Variants in TFB2M observed in about 807,000 individuals in gnomAD.
TFB2M encodes the protein transcription factor B2, mitochondrial, also known as dimethyladenosine transferase 2, mitochondrial.
A neutral mutation model predicts 41.3 loss-of-function variants in TFB2M; 44 were observed. That is an observed-to-expected ratio of 1.07 (90% CI 0.84 to 1.37). The LOEUF is 1.37. TFB2M is among the 40% of genes most tolerant of loss of function. The probability of loss-of-function intolerance (pLI) is 0.00; values close to 1 mark genes in which losing one functional copy is unlikely to be tolerated. For synonymous variants in TFB2M, 188 were observed against 176.8 expected, an observed-to-expected ratio of 1.06 and a Z score of -0.50; for missense variants, 496 against 490.2, an observed-to-expected ratio of 1.01 and a Z score of -0.11.
chr1:246,552,936 A>C (rs926767646), intron 4 of TFB2M, among the ~76,000 whole-genome samples: 9 of 151,624 alleles, frequency 5.9e-5, no homozygotes, highest in Non-Finnish European at 1.3e-4. Context: ...GGGAAAAAAA[A>C]CCTGGCTGGG....
In TFB2M at chr1:246,557,733, C is replaced by T. The variant is rs148907333; in HGVS notation, c.403-199G>A. Among the ~76,000 whole-genome samples, 643 of 152,244 alleles carry T rather than the reference C, an allele frequency of 4.2e-3. 3 individuals carry two copies. The highest frequency in any genetic ancestry group is 0.015 in the African/African-American group (609 of 41,540). ...CTGTTGCCAGGCTGGAGTGCAGTGGCGCCATCTCGGCTCACTGCAACCTCT... is the reference window on the plus strand; with the variant it reads ...CTGTTGCCAGGCTGGAGTGCAGTGGTGCCATCTCGGCTCACTGCAACCTCT... On this transcript the variant is annotated intron_variant, in intron 2 of 7. Transcript: ENST00000366514.
chr1:246,552,039 T>G (rs1415756106), intron 4 of TFB2M, among the ~76,000 whole-genome samples: 1 of 152,168 alleles, frequency 6.6e-6, no homozygotes, highest in Non-Finnish European at 1.5e-5. Context: ...ATAAGCATTA[T>G]AAAAATCTTA....
intron 2 of TFB2M, among the ~76,000 whole-genome samples, chr1:246,558,450 C>A (rs1400946497): frequency 6.6e-6 from 1 of 152,058 alleles, no homozygotes; most frequent in Non-Finnish European, 1.5e-5. Context: ...CCCGGCCCCA[C>A]TTACTTTCTT....
intron 2 of TFB2M, among the ~76,000 whole-genome samples, chr1:246,561,339 G>T (rs911260608): frequency 6.6e-6 from 1 of 152,186 alleles, no homozygotes; most frequent in African/African-American, 2.4e-5. Flanking sequence ...ATTTTTAGCT[G>T]ACATTTATAG....
intron 2 of TFB2M, among the ~76,000 whole-genome samples, chr1:246,562,410 C>T (rs1293610138): frequency 6.6e-6 from 1 of 152,200 alleles, no homozygotes; most frequent in African/African-American, 2.4e-5. Flanking sequence ...ATGATGCCTT[C>T]ACTCTATGCA....
chr1:246,562,914 T>C (rs1355676849), intron 2 of TFB2M, among the ~76,000 whole-genome samples: 1 of 152,094 alleles, frequency 6.6e-6, no homozygotes, highest in African/African-American at 2.4e-5. Context: ...CGCCTCTGCC[T>C]CCCGAAGTGC....
chr1:246,557,558 G>C (rs567401967), intron 2 of TFB2M, 24 bp from the exon 3 acceptor site: 2 of 1,536,944 alleles, frequency 1.3e-6, no homozygotes, highest in Non-Finnish European at 8.7e-7. Context: ...AAGATAACAC[G>C]TTAAAAATTT....
chr1:246,559,395 A>C (rs1659399028), intron 2 of TFB2M, among the ~76,000 whole-genome samples: 1 of 152,176 alleles, frequency 6.6e-6, no homozygotes, highest in South Asian at 2.1e-4. Flanking sequence ...CTAAAAATAC[A>C]AAAGTAAGCC....
At chr1:246,559,231 G>C (rs1659395692) in intron 2 of TFB2M, among the ~76,000 whole-genome samples, 1 of 152,138 alleles carries the variant, frequency 6.6e-6, no homozygotes, top group South Asian at 2.1e-4. Context: ...TTACAGGTGT[G>C]TGATACCGTG....
At chr1:246,551,454 C>T (rs540692572) in intron 4 of TFB2M, 152 bp from the exon 5 acceptor site, 12 of 597,786 alleles carry the variant, frequency 2.0e-5, no homozygotes, top group East Asian at 5.6e-5. Flanking sequence ...CAGCGGTGCA[C>T]GCCTGTAGTC....
chr1:246,546,043 G>A (rs1180062174), intron 6 of TFB2M, among the ~76,000 whole-genome samples: 6 of 152,084 alleles, frequency 3.9e-5, no homozygotes, highest in East Asian at 1.9e-4. Flanking sequence ...ACATGAGGCC[G>A]GGTTGCTCAC....
chr1:246,541,055 A>C lies in TFB2M; in HGVS notation c.1167T>G (p.Tyr389Ter). 1 of 1,613,276 alleles carries C rather than the reference A, an allele frequency of 6.2e-7. No individual in the cohort carries two copies. Among genetic ancestry groups the C allele is most frequent in the Non-Finnish European group, 8.5e-7 (1 of 1,179,612 alleles). Residue 389 changes from tyrosine to a stop codon, truncating the protein, a stop_gained, in exon 8 of 8, where the codon TAT becomes TAG. Transcript: ENST00000366514. LOFTEE classifies it high-confidence loss of function. ...GCTACCTATCTTCCAGGGTTTCATC[A>C]TACAGCCATTTATAAGCACAATCTT... is the stretch of plus-strand genomic sequence containing the variant. ...RSKDCAYKWL[Y>*]DETLEDR
Position 246,554,797 on chromosome 1 carries a change from C to T in TFB2M, c.705+1776G>A, listed in dbSNP as rs552455607. Among the ~76,000 whole-genome samples the T allele has an allele frequency of 5.9e-5, 9 of 152,066 alleles. No homozygotes were observed. In the South Asian group the frequency reaches 1.5e-3, roughly 25 times the overall value. Reference sequence around the variant, plus strand: ...CCCTGGTGCCAAAGATGTTGGGGACCGCCCAGCTACGTATGATACCAAAGG... The same window carrying T: ...CCCTGGTGCCAAAGATGTTGGGGACTGCCCAGCTACGTATGATACCAAAGG... On this transcript the variant is annotated intron_variant, in intron 4 of 7. Coordinates refer to ENST00000366514, the MANE Select transcript of TFB2M (RefSeq NM_022366.3).
intron 5 of TFB2M, among the ~76,000 whole-genome samples, chr1:246,550,787 G>A (rs1001847423): frequency 6.6e-6 from 1 of 152,264 alleles, no homozygotes; most frequent in Admixed American, 6.5e-5. Context: ...GGAGGCCGAG[G>A]CAGGGGAATT....
At chr1:246,544,299 T>A (rs1658939226) in intron 7 of TFB2M, among the ~76,000 whole-genome samples, 1 of 152,156 alleles carries the variant, frequency 6.6e-6, no homozygotes, top group African/African-American at 2.4e-5. Flanking sequence ...AATCTGGGCA[T>A]TTTTTTAAAG....
intron 2 of TFB2M, among the ~76,000 whole-genome samples, chr1:246,558,973 T>A (rs1159545931): frequency 6.6e-6 from 1 of 152,214 alleles, no homozygotes; most frequent in South Asian, 2.1e-4. Context: ...TGTACACTGA[T>A]GTTTCTGTGC....
intron 1 of TFB2M, among the ~76,000 whole-genome samples, chr1:246,565,176 A>G (rs1198833499): frequency 6.6e-6 from 1 of 152,266 alleles, no homozygotes; most frequent in African/African-American, 2.4e-5. Flanking sequence ...CAAAAAGCCT[A>G]TAAATCTTGT....
At chr1:246,557,587 T>C in intron 2 of TFB2M, 53 bp from the exon 3 acceptor site, 2 of 1,414,270 alleles carry the variant, frequency 1.4e-6, no homozygotes, top group Non-Finnish European at 9.5e-7. Context: ...AAGTATACTT[T>C]GCAGCAATTC....
intron 1 of TFB2M, among the ~76,000 whole-genome samples, chr1:246,565,417 C>CA (rs1451045170): frequency 6.6e-6 from 1 of 152,172 alleles, no homozygotes; most frequent in Non-Finnish European, 1.5e-5. Context: ...GAGCTTCAAA[C>CA]AAAGACCCGT....
Sources: gnomAD v4.1 joint callset for allele counts (sites outside exome capture counted in the v4.1 genomes callset) on GRCh38, gnomAD v4.1.1 for gene constraint, MANE v1.5 for transcripts, NCBI Gene and HGNC (gene_info 2026-07-23, HGNC 2026-07-21) for gene names.